HTR1F: variants seen among roughly 807,000 people sequenced by gnomAD.
The protein encoded by HTR1F is 5-hydroxytryptamine receptor 1F.
In HTR1F, 17 loss-of-function variants were observed where a neutral mutation model predicts 24.0. That is an observed-to-expected ratio of 0.71 (90% confidence interval 0.48 to 1.06). The LOEUF (loss-of-function observed/expected upper bound fraction) is 1.06. Ranked by LOEUF, HTR1F falls within the 50% of genes least tolerant of loss-of-function variation. HTR1F has a pLI of 0.00. For missense variants in HTR1F, 391 were observed against 427.8 expected, an observed-to-expected ratio of 0.91 and a Z score of 0.76; for synonymous variants, 186 against 156.8, an observed-to-expected ratio of 1.19 and a Z score of -1.39.
intron 2 of HTR1F, among the ~76,000 whole-genome samples, chr3:87,909,376 T>G (rs1163502533): frequency 3.9e-5 from 6 of 152,070 alleles, no homozygotes; most frequent in Non-Finnish European, 8.8e-5. Flanking sequence ...AAAATCTTTC[T>G]TCATGACCAC....
chr3:87,843,684 C>CA (rs1704864763), intron 2 of HTR1F, among the ~76,000 whole-genome samples: 21 of 135,588 alleles, frequency 1.5e-4, no homozygotes, highest in East Asian at 4.4e-4. Flanking sequence ...CCCCCTCCCC[C>CA]ACCCCACAAC....
rs1421305128 is a variant in HTR1F, at chr3:87,992,723, AT to A, written c.*876del. 1.2e-5 allele frequency: 2 copies of A among 166,896 alleles called. No homozygotes were observed. Among genetic ancestry groups the A allele is most frequent in the Admixed American group, 1.3e-4 (2 of 15,262 alleles). The allele number at this position is 166,896 out of a possible 1,614,324, so 10.3% of individuals were successfully genotyped here. A position where few individuals can be genotyped will look rare whatever the true frequency, so the allele number is the denominator to read the frequency against. On this transcript the variant is annotated 3_prime_UTR_variant, in exon 3 of 3. Coordinates refer to ENST00000319595, the MANE Select transcript of HTR1F (RefSeq NM_001322209.2). ...ACATCTTTTTAAAAGTATAAAATGT[AT>A]TTCATTTCTGTTAATAAGCTCAGTT...
chr3:87,989,027 A>T (rs1489765184), intron 2 of HTR1F, among the ~76,000 whole-genome samples: 1 of 152,228 alleles, frequency 6.6e-6, no homozygotes, highest in African/African-American at 2.4e-5. Context: ...AATTTAAGGA[A>T]TATGAAAATA....
intron 2 of HTR1F, among the ~76,000 whole-genome samples, chr3:87,873,645 T>TA (rs768544361): frequency 2.6e-5 from 4 of 152,130 alleles, no homozygotes; most frequent in Admixed American, 6.6e-5. Context: ...CATATATAAT[T>TA]AACCATCACA....
At chr3:87,878,499 C>A (rs1289526693) in intron 2 of HTR1F, among the ~76,000 whole-genome samples, 1 of 152,108 alleles carries the variant, frequency 6.6e-6, no homozygotes. Flanking sequence ...CTTACTTTTG[C>A]TCATAGTTTT....
intron 2 of HTR1F, among the ~76,000 whole-genome samples, chr3:87,977,573 C>CT (rs541688626): frequency 2.9e-3 from 413 of 140,662 alleles, no homozygotes; most frequent in Middle Eastern, 7.1e-3. Context: ...TAATTTTTTT[C>CT]TTTTTTTTTT....
intron 2 of HTR1F, among the ~76,000 whole-genome samples, chr3:87,871,840 A>G (rs1705565392): frequency 6.6e-6 from 1 of 152,048 alleles, no homozygotes; most frequent in Non-Finnish European, 1.5e-5. Context: ...GCTTACAACA[A>G]TAGGTCAAAC....
chr3:87,855,050 G>A (rs1035850831), intron 2 of HTR1F, among the ~76,000 whole-genome samples: 1 of 151,932 alleles, frequency 6.6e-6, no homozygotes, highest in Non-Finnish European at 1.5e-5. Flanking sequence ...CCCCCACTTA[G>A]ACATGATATA....
chr3:87,839,822 C>T (rs1704762314), intron 2 of HTR1F, among the ~76,000 whole-genome samples: 2 of 152,022 alleles, frequency 1.3e-5, no homozygotes, highest in Admixed American at 6.6e-5. Context: ...GTGTGCCCAA[C>T]GTTTAGCTCC....
intron 2 of HTR1F, among the ~76,000 whole-genome samples, chr3:87,831,564 T>G (rs1028109236): frequency 1.3e-5 from 2 of 151,778 alleles, no homozygotes; most frequent in African/African-American, 4.8e-5. Context: ...GGGTTTCACC[T>G]TGTTAGCCAG....
chr3:87,854,356 C>T lies in HTR1F; in HGVS notation c.-43+32232C>T, dbSNP rs185968468. Reference sequence around the variant, plus strand: ...GAGTTATAAGAATCAGATTTGAGACCTGTTTTTATTTCCAAGATTTTTTTC... The same window carrying T: ...GAGTTATAAGAATCAGATTTGAGACTTGTTTTTATTTCCAAGATTTTTTTC... On this transcript the variant is annotated intron_variant, in intron 2 of 2. Transcript: ENST00000319595. Among the ~76,000 whole-genome samples the T allele has an allele frequency of 5.3e-5, 8 of 151,854 alleles. No individual in the cohort carries two copies. In the East Asian group the frequency reaches 9.7e-4, roughly 18 times the overall value.
At chr3:87,919,192 T>A (rs1703958206) in intron 2 of HTR1F, among the ~76,000 whole-genome samples, 1 of 152,066 alleles carries the variant, frequency 6.6e-6, no homozygotes, top group Admixed American at 6.6e-5. Context: ...TGCAACTGGA[T>A]CCTCATCTCT....
At chr3:87,930,547 A>G (rs1298185936) in intron 2 of HTR1F, among the ~76,000 whole-genome samples, 2 of 152,100 alleles carry the variant, frequency 1.3e-5, no homozygotes, top group Non-Finnish European at 2.9e-5. Context: ...AGACAATCAT[A>G]TGGTTTTTGT....
intron 2 of HTR1F, among the ~76,000 whole-genome samples, chr3:87,945,073 T>C (rs67034241): frequency 0.44 from 66,204 of 151,692 alleles, 15,417 homozygotes; most frequent in African/African-American, 0.61. Context: ...CTCTCTTCTC[T>C]GTCTCTCTCT....
At chr3:87,971,151 C>T (rs1254536032) in intron 2 of HTR1F, among the ~76,000 whole-genome samples, 2 of 152,190 alleles carry the variant, frequency 1.3e-5, no homozygotes, top group Non-Finnish European at 2.9e-5. Flanking sequence ...AATTTACTTC[C>T]TTCACTTACC....
In HTR1F at chr3:87,988,959, GTATTT is replaced by G. The variant is rs200827864; in HGVS notation, c.-42-1746_-42-1742del. Among the ~76,000 whole-genome samples the G allele has an allele frequency of 1.0e-3, 159 of 152,110 alleles. No homozygotes were observed. The East Asian group carries it at 0.029, about 27-fold the overall frequency. On this transcript the variant is annotated intron_variant, in intron 2 of 2. Coordinates refer to ENST00000319595, the MANE Select transcript of HTR1F (RefSeq NM_001322209.2). Reference sequence around the variant, plus strand: ...ATGAAGTACTTGATATAAAAATTAAGTATTTTAAAGTATTAATTTATCAGTTCCAA... The same window carrying G: ...ATGAAGTACTTGATATAAAAATTAAGTAAAGTATTAATTTATCAGTTCCAA...
intron 1 of HTR1F, among the ~76,000 whole-genome samples, chr3:87,803,135 G>A (rs6787171): frequency 1.3e-5 from 2 of 151,952 alleles, no homozygotes; most frequent in African/African-American, 2.4e-5. Flanking sequence ...ATTTTCTCTC[G>A]AATTCATCTG....
chr3:87,818,111 A>G (rs1464285178), intron 1 of HTR1F, among the ~76,000 whole-genome samples: 3 of 152,174 alleles, frequency 2.0e-5, no homozygotes, highest in Non-Finnish European at 2.9e-5. Context: ...TTGTTGAAGA[A>G]GCTCTCAGCA....
At chr3:87,927,743 T>A (rs1704161852) in intron 2 of HTR1F, among the ~76,000 whole-genome samples, 1 of 152,142 alleles carries the variant, frequency 6.6e-6, no homozygotes, top group Non-Finnish European at 1.5e-5. Context: ...CAACACATAC[T>A]TTTTCATGCC....
Sources: gnomAD v4.1 joint callset for allele counts (sites outside exome capture counted in the v4.1 genomes callset) on GRCh38, gnomAD v4.1.1 for gene constraint, MANE v1.5 for transcripts, NCBI Gene and HGNC (gene_info 2026-07-23, HGNC 2026-07-21) for gene names.